The following RAD18 variants were observed in gnomAD, a reference collection of about 807,000 sequenced individuals.
RAD18 encodes E3 ubiquitin-protein ligase RAD18.
RAD18 carries 47 observed loss-of-function variants against 60.4 expected under a neutral mutation model. The observed-to-expected ratio is 0.78, with a 90% confidence interval of 0.62 to 0.99. RAD18 has a LOEUF of 0.99. RAD18 is among the 50% of genes least tolerant of loss of function. The probability of loss-of-function intolerance (pLI) is 0.00; values close to 1 mark genes in which losing one functional copy is unlikely to be tolerated. For synonymous variants in RAD18, 225 were observed against 195.5 expected (o/e 1.15, Z -1.26); for missense variants, 640 against 593.3 (o/e 1.08, Z -0.82).
At chr3:8,923,984 G>C (rs1449223445) in intron 7 of RAD18, among the ~76,000 whole-genome samples, 1 of 152,036 alleles carries the variant, frequency 6.6e-6, no homozygotes, top group Admixed American at 6.5e-5. Flanking sequence ...AGACCATCAA[G>C]GCTAGGAAGA....
At position 8,963,366 on chromosome 3, in the gene RAD18, G is replaced by A. The variant is rs749800731; in HGVS notation, c.20C>T (p.Ser7Phe). Reference sequence around the variant, plus strand: ...GACTGCCAGGCCCGGAGGCCACCGAGACTCGGCCAGGGAGTCCATGGTCGC... The same window carrying A: ...GACTGCCAGGCCCGGAGGCCACCGAAACTCGGCCAGGGAGTCCATGGTCGC... The part of the protein sequence containing the change: MDSLAE[S>F]RWPPGLAVMK... The change falls in exon 1 of 13, where the codon TCT becomes TTT. Residue 7 changes from serine to phenylalanine, a missense_variant. By Grantham distance (155) the Ser-to-Phe change is radical (BLOSUM62 -2). Transcript: ENST00000264926. 6.2e-7 allele frequency: 1 copy of A among 1,611,540 alleles called. No homozygotes were observed. Among genetic ancestry groups the A allele is most frequent in the Non-Finnish European group, 8.5e-7 (1 of 1,178,972 alleles).
chr3:8,920,098 C>T (rs45493393), intron 7 of RAD18, among the ~76,000 whole-genome samples: 40 of 152,090 alleles, frequency 2.6e-4, no homozygotes, highest in South Asian at 1.9e-3. Flanking sequence ...CTGGCTAACA[C>T]GGTGAAATGC....
At chr3:8,953,418 C>T (rs1193517828) in intron 2 of RAD18, among the ~76,000 whole-genome samples, 2 of 151,988 alleles carry the variant, frequency 1.3e-5, no homozygotes, top group Admixed American at 1.3e-4. Context: ...ATATGGAGTC[C>T]TAAGTAGATC....
intron 2 of RAD18, among the ~76,000 whole-genome samples, chr3:8,956,297 C>T (rs1210953957): frequency 6.6e-6 from 1 of 152,190 alleles, no homozygotes; most frequent in Non-Finnish European, 1.5e-5. Context: ...TTACTGTGTT[C>T]TGCAACACAG....
intron 11 of RAD18, among the ~76,000 whole-genome samples, chr3:8,893,693 ATTTTTTT>A (rs71049754): frequency 9.5e-6 from 1 of 104,794 alleles, no homozygotes; most frequent in African/African-American, 3.3e-5. Context: ...AGCTTTTTTA[ATTTTTTT>A]TTTTTTTTTT....
chr3:8,919,992 A>G (rs1425116545), intron 7 of RAD18, among the ~76,000 whole-genome samples: 1 of 152,226 alleles, frequency 6.6e-6, no homozygotes, highest in African/African-American at 2.4e-5. Context: ...ATAAGAAAAT[A>G]ACAAGGCAGG....
At position 8,890,399 on chromosome 3, in the gene RAD18, C is replaced by T. The variant is rs752205547; in HGVS notation, c.1375G>A (p.Ala459Thr). The change falls in exon 12 of 13, where the codon GCA (alanine) becomes ACA (threonine). Residue 459 changes from alanine (A) to threonine (T), a missense_variant. Coordinates refer to ENST00000264926, the MANE Select transcript of RAD18 (RefSeq NM_020165.4). The part of the protein sequence containing the change: ...DLLEEEEAWE[A>T]SHKNDLQDTE... ...ATTATGAGAACTCACTTATGTGATG[C>T]TTCCCAGGCTTCCTCTTCTTCTAAA... 20 of 1,588,814 alleles carry T rather than the reference C, an allele frequency of 1.3e-5. No individual in the cohort carries two copies. Among genetic ancestry groups the T allele is most frequent in the Non-Finnish European group, 1.2e-5 (14 of 1,157,336 alleles).
At chr3:8,899,600 T>C (rs1386011454) in intron 10 of RAD18, among the ~76,000 whole-genome samples, 1 of 152,188 alleles carries the variant, frequency 6.6e-6, no homozygotes, top group Non-Finnish European at 1.5e-5. Context: ...TTTCCGTGCA[T>C]TCTTTGTCAT....
intron 7 of RAD18, among the ~76,000 whole-genome samples, chr3:8,920,278 CAAAAAAAAAAAAAAAA>C (rs60504682): frequency 1.4e-5 from 1 of 70,070 alleles, no homozygotes; most frequent in South Asian, 5.4e-4. Context: ...GACTCCGTCT[CAAAAAAAAAAAAAAAA>C]AAAAGAAAAA....
rs571755358 is a variant in RAD18 at position 8,960,854 on chromosome 3, CT to C, written c.52-1854del. On this transcript the variant is annotated intron_variant, in intron 1 of 12. Coordinates refer to ENST00000264926, the MANE Select transcript of RAD18 (RefSeq NM_020165.4). The stretch of plus-strand genomic sequence containing the variant: ...AATTATGGATGGTTTTATTTTTCTC[CT>C]TTATCTTATTCTGAATTTTAATTTT... 1.9e-4 allele frequency among the ~76,000 whole-genome samples: 29 copies of C among 152,266 alleles called. 1 individual carries two copies. The South Asian group carries it at 6.0e-3, about 32-fold the overall frequency.
intron 9 of RAD18, among the ~76,000 whole-genome samples, chr3:8,904,449 G>T (rs1253167724): frequency 6.6e-6 from 1 of 152,184 alleles, no homozygotes; most frequent in Non-Finnish European, 1.5e-5. Flanking sequence ...TATGGTACAT[G>T]TATGAAAACT....
intron 11 of RAD18, among the ~76,000 whole-genome samples, chr3:8,894,825 A>G (rs1395900639): frequency 7.2e-6 from 1 of 138,544 alleles, no homozygotes; most frequent in Non-Finnish European, 1.5e-5. Context: ...CAGTGGCGCG[A>G]TATCGGCTCA....
chr3:8,935,524 G>C (rs1940634016), intron 7 of RAD18, among the ~76,000 whole-genome samples: 1 of 152,120 alleles, frequency 6.6e-6, no homozygotes, highest in Admixed American at 6.5e-5. Flanking sequence ...GAGGTACAGA[G>C]ATATCAAGTA....
intron 2 of RAD18, among the ~76,000 whole-genome samples, chr3:8,954,592 A>T (rs749530608): frequency 5.9e-5 from 9 of 152,212 alleles, no homozygotes; most frequent in Non-Finnish European, 1.0e-4. Flanking sequence ...AATTTAATTG[A>T]CCTGCATTCT....
At position 8,941,697 on chromosome 3, in the gene RAD18, G is replaced by C; in HGVS notation, c.374C>G (p.Ser125Cys). The C allele has an allele frequency of 1.9e-6, 3 of 1,614,110 alleles. No homozygotes were observed. The highest frequency in any genetic ancestry group is 2.5e-6 in the Non-Finnish European group (3 of 1,179,970). ...CATTAACCTGCTCCCCTGCTTTAAAGACTGTCTGGAGGCTACAGGAGTATA... is the reference window on the plus strand; with the variant it reads ...CATTAACCTGCTCCCCTGCTTTAAACACTGTCTGGAGGCTACAGGAGTATA... ...KVYTPVASRQSLKQGSRLMDN... is the reference protein window; with the variant it reads ...KVYTPVASRQCLKQGSRLMDN... Residue 125 changes from serine (S) to cysteine (C), a missense_variant, in exon 5 of 13, where the codon TCT becomes TGT. Ser to Cys is a moderately radical substitution (Grantham distance 112). Coordinates refer to ENST00000264926, the MANE Select transcript of RAD18 (RefSeq NM_020165.4).
In RAD18 at chr3:8,948,529, G is replaced by C. The variant is rs1474031021; in HGVS notation, c.175C>G (p.Gln59Glu). The C allele has an allele frequency of 2.5e-6, 4 of 1,612,938 alleles. No homozygotes were observed. In the East Asian group the frequency reaches 6.7e-5, roughly 27 times the overall value. The change falls in exon 3 of 13, where the codon CAG becomes GAG. Residue 59 changes from glutamine to glutamate, a missense_variant. Physicochemically the swap from Gln to Glu is conservative, Grantham distance 29 (BLOSUM62 2). Transcript: ENST00000264926. ...CTCACCACACAGCAAGTTGGACACTGAGTTTTATAGGACAGAAATTTTCTT... is the reference window on the plus strand; with the variant it reads ...CTCACCACACAGCAAGTTGGACACTCAGTTTTATAGGACAGAAATTTTCTT... ...CIRKFLSYKTQCPTCCVTVTE... is the reference protein window; with the variant it reads ...CIRKFLSYKTECPTCCVTVTE...
intron 11 of RAD18, among the ~76,000 whole-genome samples, chr3:8,896,950 A>C (rs1939796989): frequency 6.6e-6 from 1 of 152,150 alleles, no homozygotes; most frequent in South Asian, 2.1e-4. Context: ...TATTTTTTTA[A>C]GGAAAAAAAA....
chr3:8,931,936 T>C (rs956521818), intron 7 of RAD18, among the ~76,000 whole-genome samples: 8 of 152,204 alleles, frequency 5.3e-5, no homozygotes, highest in African/African-American at 1.9e-4. Flanking sequence ...AAAAACTAGA[T>C]ATACATATTT....
In RAD18 at chr3:8,902,428, T is replaced by C. The variant is rs1288648395; in HGVS notation, c.1120A>G (p.Ile374Val). The C allele has an allele frequency of 1.9e-6, 3 of 1,610,322 alleles. No homozygotes were observed. The highest frequency in any genetic ancestry group is 2.5e-6 in the Non-Finnish European group (3 of 1,177,618). ...TCTGTAGATTCATCTTCTTTTGTTA[T>C]TGTTACTGTTTTTTGTGACATTCCA... ...IAGMSQKTVTITKEDESTEKL... is the reference protein window; with the variant it reads ...IAGMSQKTVTVTKEDESTEKL... Residue 374 changes from isoleucine (I) to valine (V), a missense_variant, in exon 10 of 13, where the codon ATA becomes GTA. Physicochemically the swap from Ile to Val is conservative, Grantham distance 29 (BLOSUM62 3). Transcript: ENST00000264926.
Sources: allele counts gnomAD v4.1 joint callset (sites outside exome capture counted in the v4.1 genomes callset), GRCh38; gene constraint gnomAD v4.1.1; transcripts MANE v1.5; gene names NCBI Gene and HGNC (gene_info 2026-07-23, HGNC 2026-07-21).